Variants in PTPRB observed in about 807,000 individuals in gnomAD.
The protein encoded by PTPRB is receptor-type tyrosine-protein phosphatase beta.
A neutral mutation model predicts 238.1 loss-of-function variants in PTPRB; 97 were observed. That is an observed-to-expected ratio of 0.41 (90% CI 0.35 to 0.48). The LOEUF is 0.48. PTPRB is among the 20% of genes least tolerant of loss of function. The pLI is 0.30. For missense variants in PTPRB, 2,292 were observed against 2,681.9 expected, an observed-to-expected ratio of 0.85 and a Z score of 3.21; for synonymous variants, 970 against 995.4, an observed-to-expected ratio of 0.97 and a Z score of 0.48.
chr12:70,524,466 C>T lies in PTPRB; in HGVS notation c.6625+5G>A, dbSNP rs369299540. 14 of 1,598,628 alleles carry T rather than the reference C, an allele frequency of 8.8e-6. No homozygotes were observed. Among genetic ancestry groups the T allele is most frequent in the Non-Finnish European group, 1.2e-5 (14 of 1,172,222 alleles). ...CTTGGGGAAGTAAGTGAAGTAAGTG[C>T]CCACCTCTGTGATACTCTGGATTCA... On this transcript the variant is annotated splice_donor_5th_base_variant and intron_variant, in intron 33 of 33. Transcript: ENST00000334414.
intron 4 of PTPRB, among the ~76,000 whole-genome samples, chr12:70,598,298 T>C (rs1338363964): frequency 6.6e-6 from 1 of 152,242 alleles, no homozygotes; most frequent in Non-Finnish European, 1.5e-5. Context: ...TTACATTGAA[T>C]ATTATATAAA....
At chr12:70,530,458 CAT>C (rs1204468573) in intron 32 of PTPRB, among the ~76,000 whole-genome samples, 1 of 149,794 alleles carries the variant, frequency 6.7e-6, no homozygotes, top group South Asian at 2.1e-4. Flanking sequence ...CACATATACA[CAT>C]GTACACATAT....
rs1872815652 is a variant in PTPRB at position 70,529,176 on chromosome 12, G to A, written c.6504+2859C>T. On this transcript the variant is annotated intron_variant, in intron 32 of 33. Transcript: ENST00000334414. Reference sequence around the variant, plus strand: ...CCACAGTGTCCTCAGTGAGGCAGGAGGAAAAGGAGAACAGAACAGGGAAAA... The same window carrying A: ...CCACAGTGTCCTCAGTGAGGCAGGAAGAAAAGGAGAACAGAACAGGGAAAA... Among the ~76,000 whole-genome samples the A allele has an allele frequency of 3.9e-5, 6 of 152,230 alleles. No individual in the cohort carries two copies. The South Asian group carries it at 1.2e-3, about 32-fold the overall frequency.
At position 70,519,616 on chromosome 12, in the gene PTPRB, T is replaced by A. The variant is rs1276997968; in HGVS notation, c.*1873A>T. On this transcript the variant is annotated 3_prime_UTR_variant, in exon 34 of 34. Transcript: ENST00000334414. ...AGCAACATTAGTGTAAAATTCTGCTTTTTCTCTTTTTTCTTTTCAATGTAG... is the reference window on the plus strand; with the variant it reads ...AGCAACATTAGTGTAAAATTCTGCTATTTCTCTTTTTTCTTTTCAATGTAG... 6.6e-6 allele frequency: 1 copy of A among 152,208 alleles called. No individual in the cohort carries two copies. The highest frequency in any genetic ancestry group is 1.5e-5 in the Non-Finnish European group (1 of 68,056). 9.4% of individuals were successfully genotyped at this position (152,208 alleles called of 1,614,324 possible).
At chr12:70,533,068 C>A (rs77058382) in intron 31 of PTPRB, among the ~76,000 whole-genome samples, 60 of 152,278 alleles carry the variant, frequency 3.9e-4, no homozygotes, top group Non-Finnish European at 7.6e-4. Flanking sequence ...GTGGAGATTT[C>A]TCAGGGGTCA....
chr12:70,581,278 T>C lies in PTPRB; in HGVS notation c.2336A>G (p.His779Arg). 6.2e-7 allele frequency: 1 copy of C among 1,613,584 alleles called. No individual in the cohort carries two copies. Among genetic ancestry groups the C allele is most frequent in the Non-Finnish European group, 8.5e-7 (1 of 1,179,654 alleles). Residue 779 changes from histidine (H) to arginine (R), a missense_variant, in exon 10 of 34, where the codon CAT becomes CGT. Transcript: ENST00000334414. Reference protein sequence around the residue: ...RTVPAQVTDLHVANQGMTSSL... With the variant: ...RTVPAQVTDLRVANQGMTSSL... ...ACTGGTCATTCCTTGGTTGGCCACATGCAAGTCAGTCACTTGGGCAGGCAC... is the reference window on the plus strand; with the variant it reads ...ACTGGTCATTCCTTGGTTGGCCACACGCAAGTCAGTCACTTGGGCAGGCAC...
chr12:70,636,540 T>C (rs982093749), intron 1 of PTPRB, among the ~76,000 whole-genome samples: 2 of 152,210 alleles, frequency 1.3e-5, no homozygotes, highest in African/African-American at 4.8e-5. Flanking sequence ...GCAGTATTTA[T>C]ATACAAATTT....
chr12:70,602,196 T>C (rs1883569669), intron 4 of PTPRB, among the ~76,000 whole-genome samples: 1 of 152,212 alleles, frequency 6.6e-6, no homozygotes, highest in Non-Finnish European at 1.5e-5. Flanking sequence ...ATACATCAGG[T>C]TGCTGTGCAT....
At chr12:70,609,412 C>T (rs1884246922) in intron 3 of PTPRB, 73 bp from the exon 4 acceptor site, 1 of 1,525,312 alleles carries the variant, frequency 6.6e-7, no homozygotes, top group Admixed American at 1.9e-5. Context: ...CAGCAAGCTC[C>T]TCAAGCCACA....
intron 3 of PTPRB, among the ~76,000 whole-genome samples, chr12:70,620,491 T>C (rs910081545): frequency 2.6e-5 from 4 of 152,110 alleles, no homozygotes; most frequent in Non-Finnish European, 4.4e-5. Flanking sequence ...TTTTATTCAA[T>C]ATTTTTCTTA....
chr12:70,586,228 C>T (rs980915223), intron 9 of PTPRB, among the ~76,000 whole-genome samples: 3 of 152,182 alleles, frequency 2.0e-5, no homozygotes, highest in African/African-American at 7.2e-5. Context: ...GCCAGACTGT[C>T]TTCCACAATG....
At chr12:70,556,193 A>T (rs748903493) in intron 18 of PTPRB, 45 bp from the exon 19 acceptor site, 194 of 1,394,290 alleles carry the variant, frequency 1.4e-4, no homozygotes, top group Non-Finnish European at 1.7e-4. Flanking sequence ...CTCAGGGAGA[A>T]TTTTTTTTTT....
At chr12:70,570,551 G>A (rs1329507542) in intron 13 of PTPRB, among the ~76,000 whole-genome samples, 1 of 151,918 alleles carries the variant, frequency 6.6e-6, no homozygotes, top group African/African-American at 2.4e-5. Context: ...GTTTTGTCAT[G>A]TTGCCCAGGC....
At chr12:70,622,308 A>G in intron 3 of PTPRB, 82 bp downstream of exon 3, 4 of 1,552,190 alleles carry the variant, frequency 2.6e-6, no homozygotes, top group Non-Finnish European at 3.5e-6. Context: ...CAGCAGTGGC[A>G]TTTTTAGCAA....
rs139855485 is a variant in PTPRB, at chr12:70,637,361, C to G, written c.35G>C (p.Cys12Ser). 7.5e-6 allele frequency: 12 copies of G among 1,609,244 alleles called. No individual in the cohort carries two copies. Among genetic ancestry groups the G allele is most frequent in the Non-Finnish European group, 1.0e-5 (12 of 1,177,948 alleles). The change falls in exon 1 of 34, where the codon TGC becomes TCC. Residue 12 changes from cysteine to serine, a missense_variant. By Grantham distance (112) the Cys-to-Ser change is moderately radical. Coordinates refer to ENST00000334414, the MANE Select transcript of PTPRB (RefSeq NM_001109754.4). The stretch of plus-strand genomic sequence containing the variant: ...CTCACCTGAGTTCCTGAAGATCAAG[C>G]AGGTAAGAATCACCATGTAAAATTC... Reference protein sequence around the residue: ...EAEFYMVILTCLIFRNSEGFQ... With the variant: ...EAEFYMVILTSLIFRNSEGFQ...
chr12:70,596,970 T>G (rs1328548326), intron 4 of PTPRB, among the ~76,000 whole-genome samples: 1 of 151,064 alleles, frequency 6.6e-6, no homozygotes, highest in South Asian at 2.1e-4. Context: ...CAGGCTGGAG[T>G]GCAGTGGCGT....
Position 70,566,453 on chromosome 12 carries a change from G to C in PTPRB, c.3886C>G (p.Gln1296Glu), listed in dbSNP as rs1879309021. Reference sequence around the variant, plus strand: ...TAATTACCTGTTCGGCCTTCAGTCTGGGCTTCCTTGCTAAAGAGGCCTCCA... The same window carrying C: ...TAATTACCTGTTCGGCCTTCAGTCTCGGCTTCCTTGCTAAAGAGGCCTCCA... ...VSGGLFSKEA[Q>E]TEGRTVPAAV... The change falls in exon 15 of 34, where the codon CAG becomes GAG. Residue 1296 changes from glutamine to glutamate, a missense_variant. Gln to Glu is a conservative substitution (Grantham distance 29, BLOSUM62 2). Transcript: ENST00000334414. 1.2e-6 allele frequency: 2 copies of C among 1,613,826 alleles called. No homozygotes were observed. Among genetic ancestry groups the C allele is most frequent in the Non-Finnish European group, 1.7e-6 (2 of 1,179,820 alleles).
intron 21 of PTPRB, among the ~76,000 whole-genome samples, chr12:70,551,498 T>C (rs12228964): frequency 0.031 from 4,718 of 152,160 alleles, 164 homozygotes; most frequent in South Asian, 0.16. Context: ...GGCTAAGAAC[T>C]CTCTTGGGTG....
At chr12:70,603,241 T>C (rs1268820927) in intron 4 of PTPRB, among the ~76,000 whole-genome samples, 1 of 152,098 alleles carries the variant, frequency 6.6e-6, no homozygotes. Context: ...ATTCCTGAAA[T>C]AAATGAACTG....
Sources: gnomAD v4.1 joint callset for allele counts (sites outside exome capture counted in the v4.1 genomes callset) on GRCh38, gnomAD v4.1.1 for gene constraint, MANE v1.5 for transcripts, NCBI Gene and HGNC (gene_info 2026-07-23, HGNC 2026-07-21) for gene names.